PCDHGB2: variants seen among roughly 807,000 people sequenced by gnomAD.
The protein encoded by PCDHGB2 is protocadherin gamma-B2.
Under a neutral mutation model 59.3 loss-of-function variants are expected in PCDHGB2, and 55 were observed. That is an observed-to-expected ratio of 0.93 (90% CI 0.75 to 1.16). PCDHGB2 has a LOEUF of 1.16. PCDHGB2 is among the 50% of genes most tolerant of loss of function. PCDHGB2 has a pLI of 0.00. For synonymous variants in PCDHGB2, 516 were observed against 512.0 expected, an observed-to-expected ratio of 1.01 and a Z score of -0.11; for missense variants, 1,228 against 1,198.5, an observed-to-expected ratio of 1.02 and a Z score of -0.36.
intron 1 of PCDHGB2, chr5:141,394,893 G>T: frequency 4.3e-6 from 7 of 1,613,858 alleles, no homozygotes; most frequent in Non-Finnish European, 5.9e-6. Flanking sequence ...ACTCTATCTC[G>T]TGGTGGCAGT....
chr5:141,404,676 T>G lies in PCDHGB2; in HGVS notation c.2421+42120T>G, dbSNP rs904942152. The stretch of plus-strand genomic sequence containing the variant: ...CTCCCCACTGATGGTTCTACTGGTG[T>G]GGAGCTGGCACCCCGCTCTGCAGAG... On this transcript the variant is annotated intron_variant, in intron 1 of 3. Transcript: ENST00000522605. 3.1e-6 allele frequency: 5 copies of G among 1,614,010 alleles called. No individual in the cohort carries two copies. In the African/African-American group the frequency reaches 6.7e-5, roughly 22 times the overall value.
intron 1 of PCDHGB2, chr5:141,371,291 G>C: frequency 6.2e-7 from 1 of 1,613,976 alleles, no homozygotes; most frequent in Non-Finnish European, 8.5e-7. Context: ...GTAAAACGGG[G>C]GAACTCACCA....
intron 1 of PCDHGB2, chr5:141,409,039 C>G: frequency 1.9e-6 from 3 of 1,614,004 alleles, no homozygotes; most frequent in Non-Finnish European, 1.7e-6. Flanking sequence ...AGATAAACTA[C>G]TACTTCCGAA....
At chr5:141,450,786 C>A (rs1468388706) in intron 1 of PCDHGB2, among the ~76,000 whole-genome samples, 1 of 151,020 alleles carries the variant, frequency 6.6e-6, no homozygotes, top group Admixed American at 6.6e-5. Flanking sequence ...CGTGCCCGGA[C>A]CTCATGATTG....
In PCDHGB2 at chr5:141,485,872, G is replaced by A; in HGVS notation, c.2422-8935G>A. ...CCGCAGAGCTCCGGGTATCCGTGCT[G>A]GACGTAAACGACAACGCCCCAGCCT... On this transcript the variant is annotated intron_variant, in intron 1 of 3. Transcript: ENST00000522605. The surrounding 1 kb of genome is among the most constrained non-coding windows in gnomAD (Gnocchi z 5.7). 1 of 1,614,170 alleles carries A rather than the reference G, an allele frequency of 6.2e-7. No homozygotes were observed. The highest frequency in any genetic ancestry group is 2.2e-5 in the East Asian group (1 of 44,876).
chr5:141,375,314 G>T, intron 1 of PCDHGB2: 2 of 1,613,798 alleles, frequency 1.2e-6, no homozygotes, highest in Non-Finnish European at 1.7e-6. Flanking sequence ...TGCAGCTCTA[G>T]ACCGGGAAGA....
chr5:141,365,306 G>A, intron 1 of PCDHGB2: 1 of 1,613,976 alleles, frequency 6.2e-7, no homozygotes, highest in South Asian at 1.1e-5. Context: ...GGATGGAGGC[G>A]CTCTTGTTGC....
chr5:141,420,547 G>A (rs898726649), intron 1 of PCDHGB2: 1 of 278,678 alleles, frequency 3.6e-6, no homozygotes, highest in Non-Finnish European at 6.4e-6. Context: ...TAAAATACAG[G>A]TATATTTTTA....
Position 141,490,202 on chromosome 5 carries a change from G to A in PCDHGB2, c.2422-4605G>A, listed in dbSNP as rs1594889134. On this transcript the variant is annotated intron_variant, in intron 1 of 3. Coordinates refer to ENST00000522605, the MANE Select transcript of PCDHGB2 (RefSeq NM_018923.3). The surrounding 1 kb of genome is among the most constrained non-coding windows in gnomAD (Gnocchi z 5.4). ...TCACGTTTCTATGAAATTCATGCAA[G>A]AGCCCGTGACCAGGGACAGCCTGCC... 1.2e-6 allele frequency: 2 copies of A among 1,614,220 alleles called. No homozygotes were observed. The highest frequency in any genetic ancestry group is 2.7e-5 in the African/African-American group (2 of 75,060).
chr5:141,482,588 C>T (rs559327092), intron 1 of PCDHGB2, among the ~76,000 whole-genome samples: 3 of 147,192 alleles, frequency 2.0e-5, no homozygotes, highest in Admixed American at 6.8e-5. Context: ...GCAGTGGGAC[C>T]AAACGGGAAA....
intron 2 of PCDHGB2, among the ~76,000 whole-genome samples, chr5:141,502,253 T>C (rs1331834149): frequency 6.6e-6 from 1 of 152,232 alleles, no homozygotes; most frequent in South Asian, 2.1e-4. Context: ...TTTTTTTTAA[T>C]CCAGGATTTT....
intron 1 of PCDHGB2, chr5:141,400,422 T>C (rs1460679509): frequency 1.2e-6 from 2 of 1,613,936 alleles, no homozygotes; most frequent in Non-Finnish European, 1.7e-6. Flanking sequence ...TCCTAAAATG[T>C]AGTGAGCAAT....
chr5:141,367,194 C>G (rs1212197084), intron 1 of PCDHGB2: 4 of 158,964 alleles, frequency 2.5e-5, no homozygotes, highest in African/African-American at 9.7e-5. Flanking sequence ...AAATAATTTA[C>G]AGTATTTACA....
At chr5:141,416,722 A>C (rs891558095) in intron 1 of PCDHGB2, 3 of 152,258 alleles carry the variant, frequency 2.0e-5, no homozygotes, top group African/African-American at 7.2e-5. Context: ...TGATGAGTTC[A>C]TTTAGTTCAA....
intron 1 of PCDHGB2, chr5:141,372,330 G>C (rs764870915): frequency 1.9e-5 from 31 of 1,613,614 alleles, no homozygotes; most frequent in Non-Finnish European, 2.5e-5. Flanking sequence ...GCTGGTCACT[G>C]TGCGTGATGG....
intron 1 of PCDHGB2, chr5:141,415,818 A>G: frequency 2.3e-6 from 3 of 1,325,056 alleles, no homozygotes; most frequent in Middle Eastern, 2.8e-4. Context: ...CCTATATATC[A>G]TAAGGCTTTG....
chr5:141,398,040 C>T (rs569692941), intron 1 of PCDHGB2: 5 of 1,485,976 alleles, frequency 3.4e-6, no homozygotes, highest in East Asian at 4.8e-5. Context: ...AACTAAAGCC[C>T]GTTCGGAGAT....
At chr5:141,363,513 T>C (rs995820646) in intron 1 of PCDHGB2, among the ~76,000 whole-genome samples, 1 of 152,210 alleles carries the variant, frequency 6.6e-6, no homozygotes, top group Non-Finnish European at 1.5e-5. Context: ...TCCTCCACAG[T>C]TACTATACTG....
At chr5:141,459,035 AC>A (rs1337856322) in intron 1 of PCDHGB2, among the ~76,000 whole-genome samples, 1 of 152,218 alleles carries the variant, frequency 6.6e-6, no homozygotes, top group Non-Finnish European at 1.5e-5. Flanking sequence ...ATCCAGCCTT[AC>A]CAGCTATATT....
Sources: gnomAD v4.1 joint callset for allele counts (sites outside exome capture counted in the v4.1 genomes callset) on GRCh38, gnomAD v4.1.1 for gene constraint, Gnocchi (gnomAD v3.1) non-coding constraint, MANE v1.5 for transcripts, NCBI Gene and HGNC (gene_info 2026-07-23, HGNC 2026-07-21) for gene names.